The following CAMK1D variants were observed in gnomAD, a reference collection of about 807,000 sequenced individuals.
The protein encoded by CAMK1D is calcium/calmodulin dependent protein kinase ID.
In CAMK1D, 9 loss-of-function variants were observed where a neutral mutation model predicts 47.7. That is an observed-to-expected ratio of 0.19 (90% CI 0.11 to 0.33). The LOEUF is 0.33. Ranked by LOEUF, CAMK1D falls within the 10% of genes least tolerant of loss-of-function variation. The pLI, the probability that CAMK1D is intolerant of heterozygous loss-of-function variation, is 1.00. For synonymous variants in CAMK1D, 184 were observed against 184.9 expected (o/e 0.99, Z 0.04); for missense variants, 291 against 488.7 (o/e 0.60, Z 3.81).
At chr10:12,655,026 A>G (rs940544945) in intron 2 of CAMK1D, among the ~76,000 whole-genome samples, 1 of 152,206 alleles carries the variant, frequency 6.6e-6, no homozygotes, top group Non-Finnish European at 1.5e-5. Context: ...TCTAGCACGT[A>G]TCTGAGCTTG....
intron 2 of CAMK1D, among the ~76,000 whole-genome samples, chr10:12,610,877 C>A (rs116336129): frequency 0.01 from 1,540 of 152,288 alleles, 26 homozygotes; most frequent in African/African-American, 0.035. Context: ...GACTTCCTGG[C>A]TAATACATCA....
chr10:12,373,421 CG>C (rs1838063739), intron 1 of CAMK1D, among the ~76,000 whole-genome samples: 1 of 152,036 alleles, frequency 6.6e-6, no homozygotes, highest in Non-Finnish European at 1.5e-5. Flanking sequence ...CACCTGAGGT[CG>C]GGAGTTTGAG....
At chr10:12,579,617 T>C (rs1837601395) in intron 2 of CAMK1D, among the ~76,000 whole-genome samples, 1 of 152,138 alleles carries the variant, frequency 6.6e-6, no homozygotes, top group Non-Finnish European at 1.5e-5. Context: ...CTTCTCTCCA[T>C]CTACTACTCT....
chr10:12,815,230 G>C (rs72638762), intron 7 of CAMK1D, among the ~76,000 whole-genome samples: 5 of 152,184 alleles, frequency 3.3e-5, no homozygotes, highest in East Asian at 3.9e-4. Flanking sequence ...CAAAACCAAG[G>C]CCTGTGTAAA....
At chr10:12,445,857 T>G (rs1406957028) in intron 1 of CAMK1D, among the ~76,000 whole-genome samples, 1 of 152,160 alleles carries the variant, frequency 6.6e-6, no homozygotes, top group Non-Finnish European at 1.5e-5. Flanking sequence ...AGTTCAGAGG[T>G]GAATGAATGG....
At chr10:12,677,007 A>G (rs1413974821) in intron 3 of CAMK1D, among the ~76,000 whole-genome samples, 1 of 152,168 alleles carries the variant, frequency 6.6e-6, no homozygotes, top group East Asian at 1.9e-4. Context: ...GCTGAGCTTG[A>G]AAAGCTAAGG....
intron 3 of CAMK1D, among the ~76,000 whole-genome samples, chr10:12,675,878 G>GT (rs1840790906): frequency 6.6e-6 from 1 of 152,180 alleles, no homozygotes; most frequent in Non-Finnish European, 1.5e-5. Flanking sequence ...TACCAGGCCA[G>GT]TACTGCCACA....
Position 12,507,865 on chromosome 10 carries a change from C to T in CAMK1D, c.93-45360C>T, listed in dbSNP as rs1834924546. On this transcript the variant is annotated intron_variant, in intron 1 of 10. Coordinates refer to ENST00000619168, the MANE Select transcript of CAMK1D (RefSeq NM_153498.4). ...CCTTGCTTCTTTCCTGTGTCTGTGG[C>T]TGCTTCTCAGGTTTGTATTCTAGAA... Among the ~76,000 whole-genome samples, 5 of 152,126 alleles carry T rather than the reference C, an allele frequency of 3.3e-5. No individual in the cohort carries two copies. In the South Asian group the frequency reaches 1.0e-3, roughly 31 times the overall value.
intron 1 of CAMK1D, among the ~76,000 whole-genome samples, chr10:12,354,385 G>T (rs563683209): frequency 6.6e-6 from 1 of 151,452 alleles, no homozygotes; most frequent in African/African-American, 2.4e-5. Flanking sequence ...ATCAAGGCAG[G>T]TTGGGGGTGG....
At chr10:12,692,441 T>C (rs1832965291) in intron 3 of CAMK1D, among the ~76,000 whole-genome samples, 1 of 152,198 alleles carries the variant, frequency 6.6e-6, no homozygotes, top group Non-Finnish European at 1.5e-5. Context: ...GATGTTTATC[T>C]TGCTTTTTCA....
intron 2 of CAMK1D, among the ~76,000 whole-genome samples, chr10:12,595,342 G>GAAAAAAAAAATAAA (rs1838113905): frequency 4.2e-5 from 1 of 23,554 alleles, no homozygotes; most frequent in African/African-American, 1.8e-4. Flanking sequence ...AACTCCATCT[G>GAAAAAAAAAATAAA]AAAAAAAAAA....
chr10:12,651,937 C>G (rs1311502258), intron 2 of CAMK1D, among the ~76,000 whole-genome samples: 5 of 151,894 alleles, frequency 3.3e-5, no homozygotes, highest in African/African-American at 9.7e-5. Context: ...CGCCACCACG[C>G]CCCGCTAATT....
At chr10:12,713,569 C>T (rs887168895) in intron 3 of CAMK1D, among the ~76,000 whole-genome samples, 2 of 152,182 alleles carry the variant, frequency 1.3e-5, no homozygotes, top group African/African-American at 2.4e-5. Context: ...GGAGGGAATG[C>T]GGACTAGGAT....
chr10:12,629,501 G>A (rs7090521), intron 2 of CAMK1D, among the ~76,000 whole-genome samples: 2,376 of 152,238 alleles, frequency 0.016, 57 homozygotes, highest in African/African-American at 0.055. Flanking sequence ...TCCCCATGTC[G>A]AGGTTGTCAG....
chr10:12,791,998 C>T (rs892809719), intron 6 of CAMK1D, among the ~76,000 whole-genome samples: 32 of 152,108 alleles, frequency 2.1e-4, no homozygotes, highest in Non-Finnish European at 2.9e-4. Flanking sequence ...TCCTTTTTTT[C>T]AATAATAGCC....
chr10:12,358,429 A>G (rs766171257), intron 1 of CAMK1D, among the ~76,000 whole-genome samples: 49 of 152,256 alleles, frequency 3.2e-4, no homozygotes, highest in Non-Finnish European at 3.5e-4. Context: ...GCTACTCGGG[A>G]GGCTGAGGCG....
At chr10:12,470,578 G>A (rs7912089) in intron 1 of CAMK1D, among the ~76,000 whole-genome samples, 53,819 of 150,962 alleles carry the variant, frequency 0.36, 9,973 homozygotes, top group Non-Finnish European at 0.41. Context: ...GTGCGGTGGC[G>A]CGATCTCTTC....
At chr10:12,550,077 C>T (rs1014476018) in intron 1 of CAMK1D, among the ~76,000 whole-genome samples, 5 of 152,202 alleles carry the variant, frequency 3.3e-5, no homozygotes, top group Non-Finnish European at 7.3e-5. Flanking sequence ...GAGCGAGGGG[C>T]AGCCCAGGAG....
intron 1 of CAMK1D, among the ~76,000 whole-genome samples, chr10:12,435,506 G>A (rs1280589259): frequency 6.6e-6 from 1 of 152,062 alleles, no homozygotes; most frequent in Non-Finnish European, 1.5e-5. Flanking sequence ...ATACCGGCGG[G>A]CATCCTGTGA....
Sources: gnomAD v4.1 joint callset for allele counts (sites outside exome capture counted in the v4.1 genomes callset) on GRCh38, gnomAD v4.1.1 for gene constraint, MANE v1.5 for transcripts, NCBI Gene and HGNC (gene_info 2026-07-23, HGNC 2026-07-21) for gene names.